Variants in IPO11 observed in about 807,000 individuals in gnomAD.
IPO11 encodes the protein importin 11, also known as importin-11.
IPO11 carries 66 observed loss-of-function variants against 143.2 expected under a neutral mutation model. That is an observed-to-expected ratio of 0.46 (90% confidence interval 0.38 to 0.57). IPO11 has a LOEUF of 0.57. Ranked by LOEUF, IPO11 falls within the 20% of genes least tolerant of loss-of-function variation. The probability of loss-of-function intolerance (pLI) is 0.00; values close to 1 mark genes in which losing one functional copy is unlikely to be tolerated. For synonymous variants in IPO11, 385 were observed against 377.8 expected (o/e 1.02, Z -0.22); for missense variants, 1,026 against 1,141.0 (o/e 0.90, Z 1.45).
intron 29 of IPO11, among the ~76,000 whole-genome samples, chr5:62,608,837 T>C (rs1745827040): frequency 6.6e-6 from 1 of 152,228 alleles, no homozygotes; most frequent in Admixed American, 6.5e-5. Flanking sequence ...TTAATAAATG[T>C]ATAACGATGT....
chr5:62,490,569 A>C (rs1202270842), intron 15 of IPO11, among the ~76,000 whole-genome samples: 7 of 152,182 alleles, frequency 4.6e-5, no homozygotes, highest in Admixed American at 3.9e-4. Context: ...ATGTCTTGGG[A>C]TCACATAATG....
At chr5:62,468,368 T>C (rs1021451220) in intron 6 of IPO11, among the ~76,000 whole-genome samples, 3 of 152,224 alleles carry the variant, frequency 2.0e-5, no homozygotes, top group Non-Finnish European at 2.9e-5. Flanking sequence ...ATACATCACT[T>C]ACTTTCACCA....
chr5:62,608,690 T>C (rs1313872868), intron 29 of IPO11, among the ~76,000 whole-genome samples: 1 of 152,196 alleles, frequency 6.6e-6, no homozygotes, highest in Non-Finnish European at 1.5e-5. Context: ...CCCACATAGA[T>C]GCAACCTCCC....
intron 27 of IPO11, among the ~76,000 whole-genome samples, chr5:62,574,669 A>G (rs1318694230): frequency 6.6e-6 from 1 of 152,218 alleles, no homozygotes; most frequent in Non-Finnish European, 1.5e-5. Flanking sequence ...GTGTAAAACT[A>G]TGCCAATATA....
chr5:62,522,534 C>T (rs930770372), intron 20 of IPO11, among the ~76,000 whole-genome samples: 1 of 152,194 alleles, frequency 6.6e-6, no homozygotes, highest in Non-Finnish European at 1.5e-5. Context: ...ATCTGCCCGC[C>T]TTGACCTCCC....
At chr5:62,594,889 C>T (rs114290829) in intron 28 of IPO11, among the ~76,000 whole-genome samples, 1 of 152,056 alleles carries the variant, frequency 6.6e-6, no homozygotes, top group Non-Finnish European at 1.5e-5. Flanking sequence ...TGGATTGGAG[C>T]CAACTAGTTA....
At chr5:62,426,673 G>A (rs995991115) in intron 1 of IPO11, among the ~76,000 whole-genome samples, 1 of 151,860 alleles carries the variant, frequency 6.6e-6, no homozygotes, top group Non-Finnish European at 1.5e-5. Context: ...CATTATTAAA[G>A]TGTGTTGACT....
At chr5:62,473,938 T>C (rs1342333606) in intron 7 of IPO11, among the ~76,000 whole-genome samples, 4 of 152,194 alleles carry the variant, frequency 2.6e-5, no homozygotes, top group African/African-American at 9.7e-5. Context: ...ATTGGTACCA[T>C]GTGTTCATTT....
intron 29 of IPO11, among the ~76,000 whole-genome samples, chr5:62,604,064 G>A (rs1345155358): frequency 6.6e-6 from 1 of 152,114 alleles, no homozygotes; most frequent in Non-Finnish European, 1.5e-5. Flanking sequence ...TACCATCTAG[G>A]TTTGTGTAAG....
In IPO11 at chr5:62,526,548, C is replaced by A. The variant is rs554418030; in HGVS notation, c.2012+291C>A. ...ACTTTTCCAAAAAGTTACTGACTTA[C>A]AATTTCCAGTCTGTTAAATGAGATG... On this transcript the variant is annotated intron_variant, in intron 21 of 29. Coordinates refer to ENST00000325324, the MANE Select transcript of IPO11 (RefSeq NM_016338.5). 14 of 254,834 alleles carry A rather than the reference C, an allele frequency of 5.5e-5. No individual in the cohort carries two copies. In the East Asian group the frequency reaches 6.9e-4, roughly 12 times the overall value. The allele number at this position is 254,834 out of a possible 1,614,324, so 15.8% of individuals were successfully genotyped here.
chr5:62,613,406 C>T (rs1378425502), intron 29 of IPO11, among the ~76,000 whole-genome samples: 2 of 145,702 alleles, frequency 1.4e-5, no homozygotes, highest in African/African-American at 5.0e-5. Context: ...GGGCTCAAGC[C>T]ATCCTCCCAC....
chr5:62,561,803 AT>A (rs1743782194), intron 27 of IPO11: 1 of 152,124 alleles, frequency 6.6e-6, no homozygotes, highest in African/African-American at 2.4e-5. Flanking sequence ...TTTTAATTCC[AT>A]TTTGTGGAGT....
intron 24 of IPO11, among the ~76,000 whole-genome samples, chr5:62,537,938 G>A (rs749745382): frequency 4.0e-5 from 6 of 151,856 alleles, no homozygotes; most frequent in Non-Finnish European, 8.8e-5. Context: ...CCCCTATTTG[G>A]GTGCAGCAAA....
rs147561887 is a variant in IPO11 at position 62,428,812 on chromosome 5, A to AC, written c.-6-8461dup. ...CTAGCTGGGACTACAGGTGTGTGCCACTACTCCTGGCTAAACTTTTTGTTT... is the reference window on the plus strand; with the variant it reads ...CTAGCTGGGACTACAGGTGTGTGCCACCTACTCCTGGCTAAACTTTTTGTTT... On this transcript the variant is annotated intron_variant, in intron 1 of 29. Coordinates refer to ENST00000325324, the MANE Select transcript of IPO11 (RefSeq NM_016338.5). Among the ~76,000 whole-genome samples, 1,099 of 152,142 alleles carry AC rather than the reference A, an allele frequency of 7.2e-3. 13 individuals carry two copies. Among genetic ancestry groups the AC allele is most frequent in the African/African-American group, 0.025 (1,034 of 41,494 alleles).
chr5:62,591,768 G>GA, intron 28 of IPO11, 96 bp downstream of exon 28: 1 of 688,800 alleles, frequency 1.5e-6, no homozygotes, highest in Non-Finnish European at 2.3e-6. Flanking sequence ...AGCACAGTAT[G>GA]AAAGTTTTAT....
At chr5:62,513,315 A>AC (rs1173871056) in intron 19 of IPO11, among the ~76,000 whole-genome samples, 19 of 50,238 alleles carry the variant, frequency 3.8e-4, no homozygotes, top group Admixed American at 1.1e-3. Context: ...CGTGGGGCTG[A>AC]CCCCCCCACC....
intron 26 of IPO11, among the ~76,000 whole-genome samples, chr5:62,556,217 T>TG (rs1356492531): frequency 1.3e-5 from 2 of 152,082 alleles, no homozygotes; most frequent in African/African-American, 4.8e-5. Flanking sequence ...CCCAGCTACT[T>TG]GGGGGGCTGA....
intron 27 of IPO11, among the ~76,000 whole-genome samples, chr5:62,577,101 C>G (rs1327898798): frequency 2.0e-5 from 3 of 152,116 alleles, no homozygotes; most frequent in African/African-American, 7.2e-5. Context: ...AATGAGGAAT[C>G]ATTGTTGATC....
intron 27 of IPO11, among the ~76,000 whole-genome samples, chr5:62,586,815 T>G (rs1293542886): frequency 7.3e-6 from 1 of 136,440 alleles, no homozygotes; most frequent in Non-Finnish European, 1.6e-5. Context: ...ATGATTACCT[T>G]GTAATTATGT....
Sources: gnomAD v4.1 joint callset for allele counts (sites outside exome capture counted in the v4.1 genomes callset) on GRCh38, gnomAD v4.1.1 for gene constraint, MANE v1.5 for transcripts, NCBI Gene and HGNC (gene_info 2026-07-23, HGNC 2026-07-21) for gene names.